MALRD1: variants seen among roughly 807,000 people sequenced by gnomAD.
The protein encoded by MALRD1 is MAM and LDL receptor class A domain containing 1.
A neutral mutation model predicts 242.1 loss-of-function variants in MALRD1; 247 were observed. The ratio of observed to expected loss-of-function variants is 1.02; its 90% CI spans 0.92 to 1.13. The LOEUF (loss-of-function observed/expected upper bound fraction) is 1.13. Ranked by LOEUF, MALRD1 falls within the 50% of genes most tolerant of loss-of-function variation. The pLI is 0.00. For missense variants in MALRD1, 2,989 were observed against 2,533.1 expected, an observed-to-expected ratio of 1.18 and a Z score of -3.86; for synonymous variants, 995 against 866.6, an observed-to-expected ratio of 1.15 and a Z score of -2.60.
At chr10:19,720,203 CGTT>C (rs1168904535) in intron 38 of MALRD1, among the ~76,000 whole-genome samples, 2 of 152,118 alleles carry the variant, frequency 1.3e-5, no homozygotes, top group Non-Finnish European at 1.5e-5. Context: ...TTCTCTAAGG[CGTT>C]GTTGTGCTTC....
chr10:19,245,709 C>T (rs562853209), intron 18 of MALRD1, among the ~76,000 whole-genome samples: 2 of 152,224 alleles, frequency 1.3e-5, no homozygotes, highest in East Asian at 3.9e-4. Context: ...CCTACAAACA[C>T]CAATATCAAA....
rs80180720 is a variant in MALRD1, at chr10:19,231,291, A to G, written c.2991+21611A>G. 2.4e-3 allele frequency among the ~76,000 whole-genome samples: 367 copies of G among 152,190 alleles called. 5 individuals are homozygous for G. The East Asian group carries it at 0.03, about 12-fold the overall frequency. ...CTCACATCTCAACTCCCTTTATCCA[A>G]TTCAGCTTTTTCCCCACAGTTGTTG... On this transcript the variant is annotated intron_variant, in intron 18 of 39. Coordinates refer to ENST00000454679, the MANE Select transcript of MALRD1 (RefSeq NM_001142308.3).
At chr10:19,266,228 A>C (rs1005510846) in intron 19 of MALRD1, among the ~76,000 whole-genome samples, 25 of 151,848 alleles carry the variant, frequency 1.6e-4, no homozygotes, top group Admixed American at 5.9e-4. Context: ...AATTATTAAT[A>C]GGTAAGGACT....
intron 5 of MALRD1, among the ~76,000 whole-genome samples, chr10:19,117,922 T>C (rs886115039): frequency 6.6e-6 from 1 of 151,920 alleles, no homozygotes; most frequent in Non-Finnish European, 1.5e-5. Flanking sequence ...ATAAGTTTTT[T>C]AGATAGTCGT....
intron 29 of MALRD1, among the ~76,000 whole-genome samples, chr10:19,483,642 CAG>C (rs1445094363): frequency 1.3e-5 from 2 of 152,056 alleles, no homozygotes; most frequent in African/African-American, 2.4e-5. Context: ...CAAAAAATAA[CAG>C]ATGCTGGTGA....
intron 31 of MALRD1, among the ~76,000 whole-genome samples, chr10:19,504,561 G>T (rs1340421965): frequency 6.6e-6 from 1 of 150,828 alleles, no homozygotes; most frequent in Non-Finnish European, 1.5e-5. Flanking sequence ...TTACTCATAT[G>T]CACTCAAACA....
At chr10:19,619,031 C>G (rs1473854814) in intron 36 of MALRD1, among the ~76,000 whole-genome samples, 3 of 151,934 alleles carry the variant, frequency 2.0e-5, no homozygotes, top group Admixed American at 6.6e-5. Context: ...ACTCCGCATT[C>G]TTAGATTTAA....
At chr10:19,641,211 T>G (rs11010877) in intron 36 of MALRD1, among the ~76,000 whole-genome samples, 6,223 of 152,236 alleles carry the variant, frequency 0.041, 201 homozygotes, top group Middle Eastern at 0.1. Flanking sequence ...ATAGTGACAT[T>G]CTAGAGTTAG....
At chr10:19,646,340 A>G (rs1169950883) in intron 36 of MALRD1, among the ~76,000 whole-genome samples, 2 of 152,238 alleles carry the variant, frequency 1.3e-5, no homozygotes, top group African/African-American at 4.8e-5. Context: ...CCAGTGGCTC[A>G]TGCCTATAAT....
chr10:19,215,768 A>G (rs1276208248), intron 18 of MALRD1, among the ~76,000 whole-genome samples: 1 of 52,264 alleles, frequency 1.9e-5, no homozygotes. Context: ...TAAACAAATA[A>G]TTTAGTATAA....
chr10:19,105,091 A>G (rs1836417544), intron 5 of MALRD1, among the ~76,000 whole-genome samples: 1 of 152,014 alleles, frequency 6.6e-6, no homozygotes, highest in Non-Finnish European at 1.5e-5. Context: ...TATACTGTGT[A>G]ATAGAAAACC....
chr10:19,645,303 T>C (rs567117830), intron 36 of MALRD1, among the ~76,000 whole-genome samples: 1 of 152,314 alleles, frequency 6.6e-6, no homozygotes, highest in African/African-American at 2.4e-5. Flanking sequence ...GTTCAACCAT[T>C]GTGGAAGTCA....
At chr10:19,159,996 T>A (rs1216876169) in intron 12 of MALRD1, among the ~76,000 whole-genome samples, 1 of 152,238 alleles carries the variant, frequency 6.6e-6, no homozygotes, top group African/African-American at 2.4e-5. Flanking sequence ...AAGAACTGTT[T>A]GTTGGAAACT....
At chr10:19,173,297 C>T (rs185693602) in intron 13 of MALRD1, among the ~76,000 whole-genome samples, 4 of 152,108 alleles carry the variant, frequency 2.6e-5, no homozygotes, top group Admixed American at 2.0e-4. Flanking sequence ...CATAATGACA[C>T]ATGGCGATAG....
At chr10:19,088,472 A>C (rs1588525214) in intron 4 of MALRD1, among the ~76,000 whole-genome samples, 1 of 149,382 alleles carries the variant, frequency 6.7e-6, no homozygotes, top group Middle Eastern at 3.5e-3. Flanking sequence ...ATTTTCTCCT[A>C]ATTTCTTGAA....
chr10:19,604,488 AG>A (rs1838514423), intron 34 of MALRD1, among the ~76,000 whole-genome samples: 1 of 152,192 alleles, frequency 6.6e-6, no homozygotes, highest in African/African-American at 2.4e-5. Context: ...GCTAGAAGAT[AG>A]CAGAGGTTGG....
At chr10:19,119,161 A>G (rs752523116) in intron 5 of MALRD1, among the ~76,000 whole-genome samples, 1 of 152,156 alleles carries the variant, frequency 6.6e-6, no homozygotes, top group African/African-American at 2.4e-5. Context: ...GAGATGAGTC[A>G]TGGAAGACCC....
At chr10:19,282,795 A>G (rs1285750925) in intron 20 of MALRD1, among the ~76,000 whole-genome samples, 1 of 152,052 alleles carries the variant, frequency 6.6e-6, no homozygotes, top group Non-Finnish European at 1.5e-5. Flanking sequence ...TCATTAGTAT[A>G]TGTATTTTTT....
chr10:19,417,162 A>ATTTAAATACTGGATTAC (rs1166072533), intron 28 of MALRD1, among the ~76,000 whole-genome samples: 2 of 152,140 alleles, frequency 1.3e-5, no homozygotes, highest in African/African-American at 4.8e-5. Flanking sequence ...TTACCTGAGG[A>ATTTAAATACTGGATTAC]CTGGGTCTTT....
Sources: gnomAD v4.1 joint callset for allele counts (sites outside exome capture counted in the v4.1 genomes callset) on GRCh38, gnomAD v4.1.1 for gene constraint, MANE v1.5 for transcripts, NCBI Gene and HGNC (gene_info 2026-07-23, HGNC 2026-07-21) for gene names.